LRMDA: variants seen among roughly 807,000 people sequenced by gnomAD.
The protein encoded by LRMDA is leucine rich melanocyte differentiation associated.
A neutral mutation model predicts 29.8 loss-of-function variants in LRMDA; 18 were observed. That is an observed-to-expected ratio of 0.60 (90% CI 0.42 to 0.90). The LOEUF (loss-of-function observed/expected upper bound fraction) is 0.90, where lower values mean the gene tolerates loss of function less well. LRMDA is among the 40% of genes least tolerant of loss of function. LRMDA has a pLI of 0.00. For missense variants in LRMDA, 273 were observed against 273.9 expected (o/e 1.00, Z 0.02); for synonymous variants, 125 against 109.4 (o/e 1.14, Z -0.89).
intron 2 of LRMDA, among the ~76,000 whole-genome samples, chr10:75,958,243 C>G (rs1846699263): frequency 6.6e-6 from 1 of 152,102 alleles, no homozygotes; most frequent in African/African-American, 2.4e-5. Flanking sequence ...AAACAGGGCG[C>G]CTTTGTCACA....
intron 6 of LRMDA, among the ~76,000 whole-genome samples, chr10:76,381,375 CA>C: frequency 6.6e-6 from 1 of 152,162 alleles, no homozygotes; most frequent in Middle Eastern, 3.4e-3. Context: ...GGAGAATTGA[CA>C]ATAGTCCATA....
intron 2 of LRMDA, among the ~76,000 whole-genome samples, chr10:75,646,244 C>T (rs1841519317): frequency 6.6e-6 from 1 of 152,192 alleles, no homozygotes; most frequent in Non-Finnish European, 1.5e-5. Flanking sequence ...TGACTATCAT[C>T]ATTTAAAGTA....
rs148591342 is a variant in LRMDA at position 75,623,386 on chromosome 10, T to G, written c.131+184892T>G. 1.4e-3 allele frequency among the ~76,000 whole-genome samples: 215 copies of G among 152,314 alleles called. 1 individual carries two copies. In the Middle Eastern group the frequency reaches 0.044, roughly 31 times the overall value. Reference sequence around the variant, plus strand: ...GTCAAAGACAATCCTTGTTCAAAGCTGTAAGAATATTTTCATTTCCATTAA... The same window carrying G: ...GTCAAAGACAATCCTTGTTCAAAGCGGTAAGAATATTTTCATTTCCATTAA... On this transcript the variant is annotated intron_variant, in intron 2 of 6. Coordinates refer to ENST00000611255, the MANE Select transcript of LRMDA (RefSeq NM_001305581.2).
At chr10:75,972,677 T>C (rs1846997360) in intron 2 of LRMDA, among the ~76,000 whole-genome samples, 1 of 152,178 alleles carries the variant, frequency 6.6e-6, no homozygotes, top group Admixed American at 6.5e-5. Context: ...CAGCAATCTC[T>C]GGATTCTGAT....
chr10:75,455,435 A>G (rs1844504206), intron 2 of LRMDA, among the ~76,000 whole-genome samples: 1 of 152,224 alleles, frequency 6.6e-6, no homozygotes, highest in Non-Finnish European at 1.5e-5. Context: ...ATGTGGAGAT[A>G]AGGCTAATAC....
At chr10:76,214,775 GGAAAACAA>G (rs1851699680) in intron 5 of LRMDA, among the ~76,000 whole-genome samples, 4 of 152,294 alleles carry the variant, frequency 2.6e-5, no homozygotes, top group South Asian at 4.1e-4. Context: ...AAATCTCTGA[GGAAAACAA>G]GAAAACAAGA....
intron 2 of LRMDA, among the ~76,000 whole-genome samples, chr10:75,731,688 A>G (rs536967474): frequency 3.7e-4 from 56 of 152,234 alleles, no homozygotes; most frequent in Non-Finnish European, 7.5e-4. Flanking sequence ...TTCATACTGC[A>G]AAGTAATTGC....
chr10:76,250,003 G>A (rs117882179), intron 5 of LRMDA, among the ~76,000 whole-genome samples: 5,450 of 152,070 alleles, frequency 0.036, 136 homozygotes, highest in Middle Eastern at 0.075. Flanking sequence ...ATGAGGTTTC[G>A]CCATGTTGGC....
chr10:75,673,520 T>C (rs1369725426), intron 2 of LRMDA, among the ~76,000 whole-genome samples: 1 of 152,200 alleles, frequency 6.6e-6, no homozygotes, highest in Non-Finnish European at 1.5e-5. Flanking sequence ...GTACTGAGAC[T>C]CCCAGGAGAC....
At chr10:75,886,847 A>G (rs546581294) in intron 2 of LRMDA, among the ~76,000 whole-genome samples, 15 of 152,322 alleles carry the variant, frequency 9.8e-5, no homozygotes, top group African/African-American at 3.4e-4. Flanking sequence ...AAAGTGTCTC[A>G]GGTCACACGG....
At chr10:75,846,735 A>G (rs896967165) in intron 2 of LRMDA, among the ~76,000 whole-genome samples, 1 of 152,190 alleles carries the variant, frequency 6.6e-6, no homozygotes, top group Non-Finnish European at 1.5e-5. Flanking sequence ...CCCCACCACC[A>G]ACAAAAACCA....
intron 2 of LRMDA, among the ~76,000 whole-genome samples, chr10:75,552,191 T>G (rs916449476): frequency 1.3e-5 from 2 of 152,222 alleles, no homozygotes; most frequent in Non-Finnish European, 2.9e-5. Context: ...AGGTCTTTAT[T>G]TAACATCATC....
chr10:75,706,087 C>T (rs1299976557), intron 2 of LRMDA, among the ~76,000 whole-genome samples: 1 of 152,160 alleles, frequency 6.6e-6, no homozygotes. Context: ...TTTCACCTGA[C>T]AGGAGATCAT....
intron 2 of LRMDA, chr10:75,742,644 C>T (rs1348565148): frequency 6.6e-6 from 1 of 152,256 alleles, no homozygotes; most frequent in African/African-American, 2.4e-5. Flanking sequence ...CTACAGCAAG[C>T]CTTTGCCAAG....
chr10:75,839,553 T>C (rs987814597), intron 2 of LRMDA, among the ~76,000 whole-genome samples: 1 of 151,868 alleles, frequency 6.6e-6, no homozygotes, highest in African/African-American at 2.4e-5. Flanking sequence ...CTTTTTTTTT[T>C]TTTTCACTCA....
At chr10:76,035,876 C>T in intron 2 of LRMDA, 132 bp from the exon 3 acceptor site, 4 of 592,180 alleles carry the variant, frequency 6.8e-6, no homozygotes, top group East Asian at 8.2e-5. Context: ...TCTTGTCATT[C>T]ACTTTGCTGA....
rs143439118 is a variant in LRMDA, at chr10:75,992,553, A to G, written c.132-43455A>G. Among the ~76,000 whole-genome samples the G allele has an allele frequency of 1.8e-4, 28 of 152,328 alleles. No homozygotes were observed. The East Asian group carries it at 5.0e-3, about 27-fold the overall frequency. Reference sequence around the variant, plus strand: ...CATAAAAGTTAAATTTCTGGTGAGCATGTCTGCCATGCTGTTTTGCTAACG... The same window carrying G: ...CATAAAAGTTAAATTTCTGGTGAGCGTGTCTGCCATGCTGTTTTGCTAACG... On this transcript the variant is annotated intron_variant, in intron 2 of 6. Coordinates refer to ENST00000611255, the MANE Select transcript of LRMDA (RefSeq NM_001305581.2).
intron 2 of LRMDA, among the ~76,000 whole-genome samples, chr10:75,784,902 A>G (rs1385273392): frequency 6.6e-6 from 1 of 152,146 alleles, no homozygotes. Flanking sequence ...TATTGAAGCA[A>G]ATAGGTTTTG....
chr10:75,624,116 C>T (rs1841221232), intron 2 of LRMDA, among the ~76,000 whole-genome samples: 1 of 152,124 alleles, frequency 6.6e-6, no homozygotes, highest in Non-Finnish European at 1.5e-5. Context: ...ATGAATTTAG[C>T]CCTGTTCCTA....
Sources: allele counts gnomAD v4.1 joint callset (sites outside exome capture counted in the v4.1 genomes callset), GRCh38; gene constraint gnomAD v4.1.1; transcripts MANE v1.5; gene names NCBI Gene and HGNC (gene_info 2026-07-23, HGNC 2026-07-21).